The following LINC00632 variants were observed in gnomAD, a reference collection of about 807,000 sequenced individuals.
LINC00632 encodes ALDOA related specific transcript.
At chrX:140,742,839 T>TAGAGAGAGAGAGAGAGAG (rs3084215) in intron 3 of LINC00632, among the ~76,000 whole-genome samples, 1 of 46,910 alleles carries the variant, frequency 2.1e-5, no homozygotes, top group African/African-American at 1.0e-4. Context: ...TAGAAGGTGA[T>TAGAGAGAGAGAGAGAGAG]AGAGAGAGAG....
chrX:140,766,492 T>G (rs1028942077), intron 3 of LINC00632, among the ~76,000 whole-genome samples: 3 of 111,950 alleles, frequency 2.7e-5, no homozygotes, highest in Non-Finnish European at 5.6e-5. Flanking sequence ...ATCCCTCAAT[T>G]GTTTCGAACA....
chrX:140,771,633 A>G (rs1441522608), intron 3 of LINC00632, among the ~76,000 whole-genome samples: 2 of 93,593 alleles, frequency 2.1e-5, no homozygotes, highest in Non-Finnish European at 4.1e-5. Context: ...ACACACACAC[A>G]CACACACACA....
chrX:140,747,940 G>A (rs1055524350), intron 3 of LINC00632, among the ~76,000 whole-genome samples: 7 of 111,947 alleles, frequency 6.3e-5, no homozygotes, highest in Non-Finnish European at 1.3e-4. Flanking sequence ...TGATTCTCCT[G>A]TCTCAGCCTC....
At chrX:140,742,874 AGAG>A (rs1569351790) in intron 3 of LINC00632, among the ~76,000 whole-genome samples, 5 of 94,604 alleles carry the variant, frequency 5.3e-5, no homozygotes, top group African/African-American at 1.6e-4. Context: ...AGAGAGAGAG[AGAG>A]AGGAAGGAAG....
At chrX:140,746,257 C>T (rs1224751114) in intron 3 of LINC00632, among the ~76,000 whole-genome samples, 1 of 111,454 alleles carries the variant, frequency 9.0e-6, no homozygotes, top group African/African-American at 3.3e-5. Context: ...TGTGGTGAAA[C>T]ATTTAAAATA....
At chrX:140,728,143 G>A (rs1930994227) in intron 2 of LINC00632, among the ~76,000 whole-genome samples, 1 of 109,833 alleles carries the variant, frequency 9.1e-6, no homozygotes, top group African/African-American at 3.3e-5. Flanking sequence ...GGGAGGCTGA[G>A]GCAGGAGACT....
intron 3 of LINC00632, among the ~76,000 whole-genome samples, chrX:140,763,018 G>C (rs1340253108): frequency 6.3e-5 from 7 of 111,456 alleles, no homozygotes; most frequent in African/African-American, 2.3e-4. Flanking sequence ...TATATTTTTT[G>C]CATGTATAAA....
At chrX:140,727,572 C>T (rs1930983971) in intron 2 of LINC00632, among the ~76,000 whole-genome samples, 1 of 111,572 alleles carries the variant, frequency 9.0e-6, no homozygotes, top group Admixed American at 9.5e-5. Context: ...GGATTACAGG[C>T]GTGAGCCACC....
intron 2 of LINC00632, among the ~76,000 whole-genome samples, chrX:140,718,779 A>T (rs1930681363): frequency 8.9e-6 from 1 of 111,974 alleles, no homozygotes; most frequent in African/African-American, 3.2e-5. Flanking sequence ...ACCTAGACTT[A>T]TCACACAACA....
intron 3 of LINC00632, among the ~76,000 whole-genome samples, chrX:140,759,276 TTTTCTTTC>T (rs201367351): frequency 0.011 from 1,122 of 102,081 alleles, 25 homozygotes; most frequent in African/African-American, 0.04. Context: ...CCCAGGCCTC[TTTTCTTTC>T]TTTCTTTCCT....
intron 3 of LINC00632, among the ~76,000 whole-genome samples, chrX:140,745,266 A>G (rs1789519828): frequency 9.1e-6 from 1 of 109,868 alleles, no homozygotes; most frequent in African/African-American, 3.3e-5. Context: ...ACTCTTCCTC[A>G]CATTGAACTG....
chrX:140,711,874 C>G, intron 2 of LINC00632: 1 of 133,677 alleles, frequency 7.5e-6, no homozygotes, highest in Non-Finnish European at 1.6e-5. Flanking sequence ...GTGTATTCAC[C>G]TGTATTTTTT....
In LINC00632 at chrX:140,765,215, G is replaced by A. The variant is rs139643759; in HGVS notation, n.192-6863G>A. Reference sequence around the variant, plus strand: ...CCGTGGTGCCACGTAGTAGACCTCCGGTTTTCGTTGTGTATACGCCTTCCT... The same window carrying A: ...CCGTGGTGCCACGTAGTAGACCTCCAGTTTTCGTTGTGTATACGCCTTCCT... On this transcript the variant is annotated intron_variant and non_coding_transcript_variant, in intron 3 of 4. Transcript: ENST00000648200. Among the ~76,000 whole-genome samples the A allele has an allele frequency of 5.0e-3, 560 of 111,340 alleles. 2 individuals carry two copies. The highest frequency in any genetic ancestry group is 0.017 in the African/African-American group (525 of 30,620).
At chrX:140,771,455 A>T (rs959071435) in intron 3 of LINC00632, among the ~76,000 whole-genome samples, 3 of 107,805 alleles carry the variant, frequency 2.8e-5, no homozygotes, top group African/African-American at 3.4e-5. Context: ...GAAATCAATT[A>T]AAACAAAAAT....
At chrX:140,724,365 T>TAC (rs757648797) in intron 2 of LINC00632, among the ~76,000 whole-genome samples, 3 of 42,706 alleles carry the variant, frequency 7.0e-5, no homozygotes, top group African/African-American at 2.5e-4. Context: ...ATGCATTCCA[T>TAC]ACACACACAC....
chrX:140,765,327 T>C (rs1931670256), intron 3 of LINC00632, among the ~76,000 whole-genome samples: 1 of 111,588 alleles, frequency 9.0e-6, no homozygotes, highest in Non-Finnish European at 1.9e-5. Flanking sequence ...ACGTGGATTT[T>C]GGAGTAGCCC....
intron 2 of LINC00632, among the ~76,000 whole-genome samples, chrX:140,730,090 T>A (rs780822540): frequency 5.3e-4 from 59 of 110,545 alleles, no homozygotes; most frequent in African/African-American, 1.9e-3. Context: ...TTGGCCAAGA[T>A]GGTCTCCATC....
intron 3 of LINC00632, among the ~76,000 whole-genome samples, chrX:140,743,340 A>G (rs1301968650): frequency 9.3e-6 from 1 of 107,504 alleles, no homozygotes; most frequent in African/African-American, 3.4e-5. Flanking sequence ...CGCAGATGAG[A>G]GACGGAGAAG....
chrX:140,789,741 TTTC>T (rs1400853851), exon 5 of LINC00632, among the ~76,000 whole-genome samples: 1 of 112,179 alleles, frequency 8.9e-6, no homozygotes, highest in Non-Finnish European at 1.9e-5. Context: ...GCTATTTTTA[TTTC>T]TTCTTTAAGA....
Sources: allele counts gnomAD v4.1 joint callset (sites outside exome capture counted in the v4.1 genomes callset), GRCh38; gene constraint gnomAD v4.1.1; transcripts MANE v1.5; gene names NCBI Gene and HGNC (gene_info 2026-07-23, HGNC 2026-07-21).